DSC3: variants seen among roughly 807,000 people sequenced by gnomAD.
DSC3 encodes desmocollin 3.
DSC3 carries 97 observed loss-of-function variants against 89.5 expected under a neutral mutation model. That is an observed-to-expected ratio of 1.08 (90% CI 0.92 to 1.28). The LOEUF (loss-of-function observed/expected upper bound fraction) is 1.28, where lower values mean the gene tolerates loss of function less well. Among genes scored for constraint, DSC3 ranks in the 50% most tolerant of loss-of-function variants. The pLI is 0.00. For synonymous variants in DSC3, 436 were observed against 384.1 expected (o/e 1.14, Z -1.58); for missense variants, 1,199 against 1,085.3 (o/e 1.10, Z -1.47).
Position 31,042,644 on chromosome 18 carries a change from G to A in DSC3, c.17C>T (p.Pro6Leu). 1 of 1,549,740 alleles carries A rather than the reference G, an allele frequency of 6.5e-7. No homozygotes were observed. The highest frequency in any genetic ancestry group is 8.7e-7 in the Non-Finnish European group (1 of 1,146,478). ...GACGGCTCCGCGCACGGAGCGCCGGGGCCCAGCGGCGGCCATCGGGATGCC... is the reference window on the plus strand; with the variant it reads ...GACGGCTCCGCGCACGGAGCGCCGGAGCCCAGCGGCGGCCATCGGGATGCC... MAAAG[P>L]RRSVRGAVCL... The change falls in exon 1 of 16, where the codon CCC (proline) becomes CTC (leucine). Residue 6 changes from proline to leucine, a missense_variant. Pro to Leu is a moderately conservative substitution (Grantham distance 98, BLOSUM62 -3). Transcript: ENST00000360428.
rs1258918852 is a variant in DSC3, at chr18:30,993,440, A to G, written c.*735T>C. The stretch of plus-strand genomic sequence containing the variant: ...ACAGGAACTATTTCCTCATAGACTC[A>G]GTTATAATGCAGCATTTAAGAGCCC... On this transcript the variant is annotated 3_prime_UTR_variant, in exon 16 of 16. Coordinates refer to ENST00000360428, the MANE Select transcript of DSC3 (RefSeq NM_001941.5). 1 of 152,220 alleles carries G rather than the reference A, an allele frequency of 6.6e-6. No individual in the cohort carries two copies. The highest frequency in any genetic ancestry group is 6.5e-5 in the Admixed American group (1 of 15,286). The allele number at this position is 152,220 out of a possible 1,614,324, so 9.4% of individuals were successfully genotyped here. A position where few individuals can be genotyped will look rare whatever the true frequency, so the allele number is the denominator to read the frequency against.
chr18:31,031,067 A>G lies in DSC3; in HGVS notation c.260T>C (p.Leu87Pro). 8 of 1,614,112 alleles carry G rather than the reference A, an allele frequency of 5.0e-6. No homozygotes were observed. Among genetic ancestry groups the G allele is most frequent in the Non-Finnish European group, 6.8e-6 (8 of 1,179,990 alleles). ...GGTAAATGATCTTTTCTTATCAGAC[A>G]GCGCAACAGCCCTGGCTGTGTACAC... is the stretch of plus-strand genomic sequence containing the variant. ...GSVYTARAVA[L>P]SDKKRSFTIW... The change falls in exon 3 of 16, where the codon CTG (leucine) becomes CCG (proline). Residue 87 changes from leucine to proline, a missense_variant. Leu to Pro is a moderately conservative substitution (Grantham distance 98). Coordinates refer to ENST00000360428, the MANE Select transcript of DSC3 (RefSeq NM_001941.5).
At chr18:31,012,395 C>T (rs528168365) in intron 9 of DSC3, among the ~76,000 whole-genome samples, 1 of 152,202 alleles carries the variant, frequency 6.6e-6, no homozygotes, top group African/African-American at 2.4e-5. Context: ...GCAAGGATAC[C>T]AAGCCAGAAG....
At chr18:31,041,401 C>A (rs1986126335) in intron 1 of DSC3, among the ~76,000 whole-genome samples, 1 of 152,242 alleles carries the variant, frequency 6.6e-6, no homozygotes, top group Non-Finnish European at 1.5e-5. Flanking sequence ...AATTCCTTCT[C>A]CATAAACATA....
Position 30,992,155 on chromosome 18 carries a change from G to A in DSC3, c.*2020C>T, listed in dbSNP as rs1156838672. 1 of 93,260 alleles carries A rather than the reference G, an allele frequency of 1.1e-5. No individual in the cohort carries two copies. The highest frequency in any genetic ancestry group is 1.9e-5 in the Non-Finnish European group (1 of 52,030). The allele number at this position is 93,260 out of a possible 1,614,324, so 5.8% of individuals were successfully genotyped here. A position where few individuals can be genotyped will look rare whatever the true frequency, so the allele number is the denominator to read the frequency against. On this transcript the variant is annotated 3_prime_UTR_variant, in exon 16 of 16. Coordinates refer to ENST00000360428, the MANE Select transcript of DSC3 (RefSeq NM_001941.5). ...CACTCCAGCCTGTGCGTCAGAGCGA[G>A]ACTCCGTCTCAAAAAAAAAAGGGGG...
In DSC3 at chr18:30,996,819, T is replaced by G; in HGVS notation, c.2465A>C (p.His822Pro). 1 of 1,613,736 alleles carries G rather than the reference T, an allele frequency of 6.2e-7. No individual in the cohort carries two copies. The highest frequency in any genetic ancestry group is 8.5e-7 in the Non-Finnish European group (1 of 1,179,966). Residue 822 changes from histidine to proline, a missense_variant, in exon 15 of 16, where the codon CAC (histidine) becomes CCC (proline). Coordinates refer to ENST00000360428, the MANE Select transcript of DSC3 (RefSeq NM_001941.5). ...DNCRYTYSEW[H>P]SFTQPRLGEK... ...ACCGAGACGGGGTTGAGTAAAACTG[T>G]GCCACTCCGAGTAAGTGTATCTGCA...
chr18:30,996,614 A>T (rs1984474811), intron 15 of DSC3, among the ~76,000 whole-genome samples, 177 bp downstream of exon 15: 1 of 152,174 alleles, frequency 6.6e-6, no homozygotes, highest in South Asian at 2.1e-4. Context: ...ATGAAAAATG[A>T]AATAAAATCT....
intron 15 of DSC3, chr18:30,994,619 C>T (rs1984395032): frequency 1.4e-6 from 1 of 707,336 alleles, no homozygotes; most frequent in South Asian, 1.6e-5. Flanking sequence ...TATTTAAGTA[C>T]ATTCAAGTTG....
At chr18:31,029,657 A>C (rs780596235) in intron 3 of DSC3, 29 bp from the exon 4 acceptor site, 1 of 1,613,098 alleles carries the variant, frequency 6.2e-7, no homozygotes, top group Non-Finnish European at 8.5e-7. Flanking sequence ...AAATACATGA[A>C]TAAACAAAAG....
rs1196444633 is a variant in DSC3 at position 30,995,971 on chromosome 18, T to TAAAAAAAAAAAAAAAAAAAAAAAAAAA, written c.2493+793_2493+819dup. ...TCAGCGACAGAGCAAGACCCTGCCT[T>TAAAAAAAAAAAAAAAAAAAAAAAAAAA]AAAAAAAAAAAAAAAAAAAAAAAAA... On this transcript the variant is annotated intron_variant, in intron 15 of 15. Coordinates refer to ENST00000360428, the MANE Select transcript of DSC3 (RefSeq NM_001941.5). Among the ~76,000 whole-genome samples, 9 of 37,020 alleles carry TAAAAAAAAAAAAAAAAAAAAAAAAAAA rather than the reference T, an allele frequency of 2.4e-4. 1 individual carries two copies. The highest frequency in any genetic ancestry group is 9.2e-4 in the East Asian group (1 of 1,088). The allele number at this position is 37,020 out of a possible 152,430, so 24.3% of individuals were successfully genotyped here.
At chr18:31,015,200 T>C (rs1458145856) in intron 9 of DSC3, among the ~76,000 whole-genome samples, 1 of 152,184 alleles carries the variant, frequency 6.6e-6, no homozygotes, top group Non-Finnish European at 1.5e-5. Context: ...TGGGGAAATT[T>C]TTGATACACT....
intron 12 of DSC3, among the ~76,000 whole-genome samples, chr18:31,005,098 A>C (rs1200758062): frequency 6.6e-6 from 1 of 152,202 alleles, no homozygotes; most frequent in Non-Finnish European, 1.5e-5. Flanking sequence ...CCTGGAAGTC[A>C]TCTGGAATTC....
intron 1 of DSC3, among the ~76,000 whole-genome samples, chr18:31,036,526 A>C (rs894749533): frequency 6.6e-6 from 1 of 152,002 alleles, no homozygotes; most frequent in Non-Finnish European, 1.5e-5. Context: ...TCTGTATACC[A>C]GATACTCAAA....
Position 31,008,144 on chromosome 18 carries a change from T to C in DSC3, c.1535A>G (p.His512Arg). 6.2e-7 allele frequency: 1 copy of C among 1,611,334 alleles called. No homozygotes were observed. Among genetic ancestry groups the C allele is most frequent in the South Asian group, 1.1e-5 (1 of 90,842 alleles). Residue 512 changes from histidine to arginine, a missense_variant, in exon 11 of 16, where the codon CAT (histidine) becomes CGT (arginine). By Grantham distance (29) the His-to-Arg change is conservative. Transcript: ENST00000360428. ...AATGGTGATCCAACCTTTAGGATCA[T>C]GCAATTTTTTGTACCTGTTAATAAA... ...NGNGLRYKKL[H>R]DPKGWITIDE...
rs559533844 is a variant in DSC3, at chr18:31,006,011, G to T, written c.1888+896C>A. On this transcript the variant is annotated intron_variant, in intron 12 of 15. Coordinates refer to ENST00000360428, the MANE Select transcript of DSC3 (RefSeq NM_001941.5). ...AGAAATGGAAAAGGAGGTATTCTAT[G>T]TAGATATGGCTATATACACAAAAGC... 2.0e-5 allele frequency among the ~76,000 whole-genome samples: 3 copies of T among 152,258 alleles called. No homozygotes were observed. In the East Asian group the frequency reaches 5.8e-4, roughly 29 times the overall value.
intron 4 of DSC3, 81 bp downstream of exon 4, chr18:31,029,428 T>A (rs191253387): frequency 6.5e-7 from 1 of 1,535,526 alleles, no homozygotes; most frequent in Non-Finnish European, 9.0e-7. Flanking sequence ...TTTATTTTTA[T>A]ATGTTTAAAG....
intron 1 of DSC3, among the ~76,000 whole-genome samples, chr18:31,033,912 C>T (rs2144734699): frequency 6.6e-6 from 1 of 152,316 alleles, no homozygotes; most frequent in South Asian, 2.1e-4. Flanking sequence ...CAAGCTCCGC[C>T]TCCCAGGTTC....
intron 14 of DSC3, among the ~76,000 whole-genome samples, chr18:30,998,467 A>G (rs1984548886): frequency 6.6e-6 from 1 of 152,194 alleles, no homozygotes; most frequent in African/African-American, 2.4e-5. Flanking sequence ...TCCAAGATGA[A>G]TATATGAATA....
intron 3 of DSC3, among the ~76,000 whole-genome samples, chr18:31,030,576 C>T (rs947300681): frequency 3.9e-5 from 6 of 152,020 alleles, no homozygotes; most frequent in Non-Finnish European, 5.9e-5. Context: ...GTGGAAGAAG[C>T]CCTCACAGAG....
Sources: gnomAD v4.1 joint callset for allele counts (sites outside exome capture counted in the v4.1 genomes callset) on GRCh38, gnomAD v4.1.1 for gene constraint, MANE v1.5 for transcripts, NCBI Gene and HGNC (gene_info 2026-07-23, HGNC 2026-07-21) for gene names.